KAZN: variants seen among roughly 807,000 people sequenced by gnomAD.
The protein encoded by KAZN is kazrin, periplakin interacting protein.
Under a neutral mutation model 87.4 loss-of-function variants are expected in KAZN, and 40 were observed. The observed-to-expected ratio is 0.46, with a 90% CI of 0.36 to 0.60. The LOEUF (loss-of-function observed/expected upper bound fraction) is 0.60. KAZN is among the 20% of genes least tolerant of loss of function. The pLI, the probability that KAZN is intolerant of heterozygous loss-of-function variation, is 0.00. For missense variants in KAZN, 898 were observed against 1,073.9 expected (o/e 0.84, Z 2.29); for synonymous variants, 466 against 458.3 (o/e 1.02, Z -0.22).
chr1:14,667,079 C>T (rs1639608398), intron 1 of KAZN, among the ~76,000 whole-genome samples: 2 of 152,220 alleles, frequency 1.3e-5, no homozygotes, highest in Non-Finnish European at 2.9e-5. Context: ...AGATTCTTAA[C>T]TAATCCCATC....
At chr1:15,001,457 A>G (rs1668463697) in intron 2 of KAZN, among the ~76,000 whole-genome samples, 2 of 149,714 alleles carry the variant, frequency 1.3e-5, no homozygotes, top group African/African-American at 4.9e-5. Flanking sequence ...CCGAGCGAAA[A>G]TCTGTCTCAA....
intron 2 of KAZN, among the ~76,000 whole-genome samples, chr1:14,329,999 A>T (rs1034765006): frequency 2.0e-5 from 3 of 152,212 alleles, no homozygotes; most frequent in Non-Finnish European, 4.4e-5. Context: ...ATTAATGAGG[A>T]TAGGGTATTG....
intron 1 of KAZN, among the ~76,000 whole-genome samples, chr1:14,774,920 C>T (rs573216730): frequency 4.0e-5 from 6 of 151,696 alleles, no homozygotes; most frequent in South Asian, 2.1e-4. Flanking sequence ...GTTCACCTTA[C>T]GGTATCGATT....
At chr1:14,401,449 G>A (rs1663401976) in intron 2 of KAZN, among the ~76,000 whole-genome samples, 3 of 151,610 alleles carry the variant, frequency 2.0e-5, no homozygotes, top group Non-Finnish European at 4.4e-5. Context: ...GAATCCAGCA[G>A]GATATTAAAA....
At chr1:14,355,133 G>A (rs898540377) in intron 2 of KAZN, among the ~76,000 whole-genome samples, 1 of 152,112 alleles carries the variant, frequency 6.6e-6, no homozygotes, top group African/African-American at 2.4e-5. Context: ...TGAAATTCCA[G>A]AACCAACACA....
intron 8 of KAZN, among the ~76,000 whole-genome samples, chr1:15,080,339 C>T (rs1343853409): frequency 6.6e-6 from 1 of 152,124 alleles, no homozygotes; most frequent in Non-Finnish European, 1.5e-5. Context: ...TGGGAGGTAC[C>T]ACCACTGTTT....
intron 1 of KAZN, among the ~76,000 whole-genome samples, chr1:14,121,200 AG>A (rs558120033): frequency 7.9e-4 from 121 of 152,334 alleles, no homozygotes; most frequent in Middle Eastern, 3.4e-3. Context: ...GTCATATATG[AG>A]TATAGTATTA....
chr1:14,194,415 A>G (rs1646484157), intron 2 of KAZN, among the ~76,000 whole-genome samples: 1 of 152,072 alleles, frequency 6.6e-6, no homozygotes, highest in Non-Finnish European at 1.5e-5. Context: ...CTCTCCCAGG[A>G]CTTTTCCAGT....
chr1:14,752,015 C>T (rs1644426134), intron 1 of KAZN, among the ~76,000 whole-genome samples: 1 of 152,164 alleles, frequency 6.6e-6, no homozygotes. Flanking sequence ...TGGTGAGGGC[C>T]TCGGGCTGCT....
At chr1:14,537,412 T>G (rs1672567312) in intron 2 of KAZN, among the ~76,000 whole-genome samples, 1 of 152,248 alleles carries the variant, frequency 6.6e-6, no homozygotes. Flanking sequence ...TTTTATTTCA[T>G]TTTAATTTTT....
intron 1 of KAZN, among the ~76,000 whole-genome samples, chr1:14,722,359 A>G (rs1643160224): frequency 1.3e-5 from 2 of 152,222 alleles, no homozygotes; most frequent in Admixed American, 1.3e-4. Context: ...AATCTTAAAC[A>G]TTACAGCATT....
chr1:14,275,525 C>G (rs1403382572), intron 2 of KAZN, among the ~76,000 whole-genome samples: 3 of 145,078 alleles, frequency 2.1e-5, no homozygotes, highest in Admixed American at 6.9e-5. Context: ...TGATTTTGAC[C>G]TTGATATCAA....
chr1:14,624,436 A>AC (rs1678951885), intron 1 of KAZN, among the ~76,000 whole-genome samples: 1 of 125,934 alleles, frequency 7.9e-6, no homozygotes. Flanking sequence ...AAAAAAAAAA[A>AC]CAACAAAAAA....
In KAZN at chr1:14,269,178, G is replaced by A. The variant is rs367824934; in HGVS notation, c.249+88586G>A. ...GTGAAAATTGCTTCTTGGAAGAGGG[G>A]ATTTAGATATTACAATTTCATGGTT... On this transcript the variant is annotated intron_variant, in intron 2 of 16. Transcript: ENST00000636203. Among the ~76,000 whole-genome samples the A allele has an allele frequency of 1.7e-4, 26 of 152,204 alleles. No individual in the cohort carries two copies. In the East Asian group the frequency reaches 3.1e-3, roughly 18 times the overall value.
chr1:14,640,217 C>G (rs1039668107), intron 1 of KAZN, among the ~76,000 whole-genome samples: 1 of 146,588 alleles, frequency 6.8e-6, no homozygotes, highest in African/African-American at 2.5e-5. Flanking sequence ...AAAATCATGG[C>G]CTAATGAGCT....
chr1:13,923,201 G>T (rs909929747), intron 1 of KAZN, among the ~76,000 whole-genome samples: 3 of 152,186 alleles, frequency 2.0e-5, no homozygotes, highest in African/African-American at 7.2e-5. Flanking sequence ...ATATTTTGTA[G>T]GTTATATGTA....
At chr1:15,059,577 TC>T (rs1424771787) in intron 5 of KAZN, among the ~76,000 whole-genome samples, 1 of 150,154 alleles carries the variant, frequency 6.7e-6, no homozygotes, top group African/African-American at 2.5e-5. Context: ...CAGGCGAGAG[TC>T]AGTGGTGGCA....
chr1:14,014,067 G>A (rs1017623038), intron 1 of KAZN, among the ~76,000 whole-genome samples: 2 of 152,064 alleles, frequency 1.3e-5, no homozygotes, highest in African/African-American at 2.4e-5. Flanking sequence ...GTTTCATACC[G>A]GCTTTTTGTA....
intron 1 of KAZN, among the ~76,000 whole-genome samples, chr1:14,633,968 T>C (rs189781031): frequency 6.6e-6 from 1 of 152,030 alleles, no homozygotes; most frequent in Admixed American, 6.5e-5. Flanking sequence ...CCTGACAAAA[T>C]GGGGTTGTTC....
Sources: allele counts gnomAD v4.1 joint callset (sites outside exome capture counted in the v4.1 genomes callset), GRCh38; gene constraint gnomAD v4.1.1; transcripts MANE v1.5; gene names NCBI Gene and HGNC (gene_info 2026-07-23, HGNC 2026-07-21).